Variants in KAT6A observed in about 807,000 individuals in gnomAD.
KAT6A encodes the protein lysine acetyltransferase 6A.
In KAT6A, 9 loss-of-function variants were observed where a neutral mutation model predicts 198.4. That is an observed-to-expected ratio of 0.05 (90% CI 0.03 to 0.08). The LOEUF is 0.08. Among genes scored for constraint, KAT6A ranks in the 10% least tolerant of loss-of-function variants. KAT6A has a pLI of 1.00. For synonymous variants in KAT6A, 890 were observed against 883.0 expected (o/e 1.01, Z -0.14); for missense variants, 2,077 against 2,509.9 (o/e 0.83, Z 3.69).
chr8:41,954,667 A>G (rs1393875496), intron 9 of KAT6A, among the ~76,000 whole-genome samples: 2 of 152,214 alleles, frequency 1.3e-5, no homozygotes, highest in Non-Finnish European at 2.9e-5. Flanking sequence ...CCACGAAGTA[A>G]GTACTATTAC....
At chr8:42,040,803 T>G (rs1827629882) in intron 2 of KAT6A, among the ~76,000 whole-genome samples, 1 of 151,180 alleles carries the variant, frequency 6.6e-6, no homozygotes, top group African/African-American at 2.4e-5. Flanking sequence ...TATAGAACTT[T>G]GGATTAGTAA....
At chr8:41,942,474 T>C (rs1822189114) in intron 14 of KAT6A, 2 of 337,810 alleles carry the variant, frequency 5.9e-6, no homozygotes, top group Non-Finnish European at 1.1e-5. Flanking sequence ...ACTGTCAGAT[T>C]TGGATTCAAT....
intron 2 of KAT6A, among the ~76,000 whole-genome samples, chr8:41,991,145 T>C (rs941946810): frequency 1.3e-5 from 2 of 152,156 alleles, no homozygotes; most frequent in African/African-American, 4.8e-5. Flanking sequence ...CTTCCACTCC[T>C]AGCTATATAC....
chr8:41,934,416 A>G lies in KAT6A; in HGVS notation c.3804T>C (p.Pro1268=). Residue 1268 remains proline, a synonymous_variant, in exon 17 of 17, where the codon CCT becomes CCC. Coordinates refer to ENST00000265713, the MANE Select transcript of KAT6A (RefSeq NM_006766.5). ...SNSPETETKE[P]EVEEEEEKPR... ...GCTTCTCTTCTTCCTCCTCCACCTC[A>G]GGCTCCTTGGTTTCGGTCTCAGGAC... 6.2e-7 allele frequency: 1 copy of G among 1,611,288 alleles called. No individual in the cohort carries two copies. The highest frequency in any genetic ancestry group is 1.1e-5 in the South Asian group (1 of 90,944).
chr8:42,050,590 G>C (rs1316749796), intron 1 of KAT6A, among the ~76,000 whole-genome samples: 1 of 152,144 alleles, frequency 6.6e-6, no homozygotes, highest in Non-Finnish European at 1.5e-5. Context: ...GCCAAGATTT[G>C]TTTTTAAATC....
intron 2 of KAT6A, among the ~76,000 whole-genome samples, chr8:42,028,644 G>T (rs1826962424): frequency 6.6e-6 from 1 of 152,020 alleles, no homozygotes. Context: ...TAAGTTTCTT[G>T]TAGGCAGTAT....
At chr8:42,020,403 T>C (rs1208092450) in intron 2 of KAT6A, among the ~76,000 whole-genome samples, 2 of 152,240 alleles carry the variant, frequency 1.3e-5, no homozygotes, top group Non-Finnish European at 2.9e-5. Context: ...CTAGGTTCAC[T>C]GTCTTCATAA....
Position 42,030,514 on chromosome 8 carries a change from T to A in KAT6A, c.600+17864A>T, listed in dbSNP as rs528245471. On this transcript the variant is annotated intron_variant, in intron 2 of 16. Coordinates refer to ENST00000265713, the MANE Select transcript of KAT6A (RefSeq NM_006766.5). ...AATGTTGGGGTCCTCTAGTCACCCA[T>A]CTTTAAGCCTCCTTAATTTCACCTC... Among the ~76,000 whole-genome samples, 3 of 152,320 alleles carry A rather than the reference T, an allele frequency of 2.0e-5. No homozygotes were observed. The East Asian group carries it at 5.8e-4, about 29-fold the overall frequency.
At chr8:42,030,274 T>C (rs1203290344) in intron 2 of KAT6A, among the ~76,000 whole-genome samples, 1 of 152,084 alleles carries the variant, frequency 6.6e-6, no homozygotes, top group African/African-American at 2.4e-5. Context: ...GGAACACAGA[T>C]CACTGGGGAT....
At chr8:42,031,617 C>CTTTTTTTTTTTTTTTTTTTTTTTTTTT (rs11329714) in intron 2 of KAT6A, among the ~76,000 whole-genome samples, 1 of 65,060 alleles carries the variant, frequency 1.5e-5, no homozygotes, top group Non-Finnish European at 2.6e-5. Context: ...GGAGCATTCA[C>CTTTTTTTTTTTTTTTTTTTTTTTTTTT]TTTTTTTTTT....
chr8:41,959,419 G>C (rs986360141), intron 8 of KAT6A, among the ~76,000 whole-genome samples: 2 of 152,146 alleles, frequency 1.3e-5, no homozygotes, highest in Non-Finnish European at 2.9e-5. Context: ...AATACAAAAT[G>C]GCACAGCTGC....
chr8:42,030,550 A>AATTTT (rs911910496), intron 2 of KAT6A, among the ~76,000 whole-genome samples: 3 of 151,896 alleles, frequency 2.0e-5, no homozygotes, highest in Non-Finnish European at 4.4e-5. Context: ...TCTCCATTAA[A>AATTTT]ATTTTATTTT....
At chr8:42,030,029 G>T (rs1409240404) in intron 2 of KAT6A, among the ~76,000 whole-genome samples, 5 of 152,090 alleles carry the variant, frequency 3.3e-5, no homozygotes, top group Admixed American at 2.0e-4. Flanking sequence ...GCAGCCCTCT[G>T]GATGGACACA....
At chr8:42,005,799 C>T (rs1288980309) in intron 2 of KAT6A, among the ~76,000 whole-genome samples, 2 of 150,712 alleles carry the variant, frequency 1.3e-5, no homozygotes, top group Non-Finnish European at 3.0e-5. Context: ...CACACACACA[C>T]TCACTCTCTT....
At chr8:41,949,385 A>C (rs1295780089) in intron 9 of KAT6A, 22 bp from the exon 10 acceptor site, 1 of 1,465,940 alleles carries the variant, frequency 6.8e-7, no homozygotes, top group African/African-American at 1.5e-5. Flanking sequence ...AATTAAACAA[A>C]AAAGACAGGG....
At position 42,004,982 on chromosome 8, in the gene KAT6A, G is replaced by C. The variant is rs1296275135; in HGVS notation, c.601-17419C>G. Among the ~76,000 whole-genome samples the C allele has an allele frequency of 3.3e-5, 5 of 151,252 alleles. No homozygotes were observed. In the East Asian group the frequency reaches 9.7e-4, roughly 29 times the overall value. On this transcript the variant is annotated intron_variant, in intron 2 of 16. Coordinates refer to ENST00000265713, the MANE Select transcript of KAT6A (RefSeq NM_006766.5). ...TATAAATGGAATCATACAGTCAGTA[G>C]CCTTGTAAGTCTAGCTTCTTTTGCT...
At position 41,977,308 on chromosome 8, in the gene KAT6A, T is replaced by G; in HGVS notation, c.1063A>C (p.Lys355Gln). ...QNTVSKGPFS[K>Q]VRTGPGRGRK... ...CCCCTTCCAGGGCCAGTTCGAACTT[T>G]GCTGAAGGGACCTTTTGATCTAAAC... Residue 355 changes from lysine to glutamine, a missense_variant, in exon 7 of 17, where the codon AAA becomes CAA. Lys to Gln is a moderately conservative substitution (Grantham distance 53). This residue lies in a region of KAT6A where 206 missense variants were observed against 214.9 expected (regional missense o/e 0.96). Transcript: ENST00000265713. The G allele has an allele frequency of 6.2e-7, 1 of 1,613,350 alleles. No individual in the cohort carries two copies. The highest frequency in any genetic ancestry group is 8.5e-7 in the Non-Finnish European group (1 of 1,179,424).
At chr8:41,944,719 CAT>C (rs1822292814) in intron 12 of KAT6A, among the ~76,000 whole-genome samples, 1 of 152,088 alleles carries the variant, frequency 6.6e-6, no homozygotes, top group African/African-American at 2.4e-5. Context: ...GTTTGTATAC[CAT>C]ACACACACAC....
chr8:41,939,588 G>A (rs1323087820), intron 15 of KAT6A, among the ~76,000 whole-genome samples: 11 of 152,124 alleles, frequency 7.2e-5, no homozygotes, highest in Admixed American at 7.2e-4. Context: ...ATTATGTGAT[G>A]AGAATGGCAC....
Sources: gnomAD v4.1 joint callset for allele counts (sites outside exome capture counted in the v4.1 genomes callset) on GRCh38, gnomAD v4.1.1 for gene constraint, gnomAD v4.1.1 regional missense constraint, MANE v1.5 for transcripts, NCBI Gene and HGNC (gene_info 2026-07-23, HGNC 2026-07-21) for gene names.